PTPRK: variants seen among roughly 807,000 people sequenced by gnomAD.
The protein encoded by PTPRK is receptor-type tyrosine-protein phosphatase kappa.
A neutral mutation model predicts 178.0 loss-of-function variants in PTPRK; 75 were observed. The ratio of observed to expected loss-of-function variants is 0.42; its 90% CI spans 0.35 to 0.51. The LOEUF is 0.51. Among genes scored for constraint, PTPRK ranks in the 20% least tolerant of loss-of-function variants. PTPRK has a pLI of 0.02. For missense variants in PTPRK, 1,441 were observed against 1,797.8 expected (o/e 0.80, Z 3.59); for synonymous variants, 637 against 620.6 (o/e 1.03, Z -0.39).
intron 7 of PTPRK, among the ~76,000 whole-genome samples, chr6:128,158,834 T>C (rs1238869655): frequency 1.3e-5 from 2 of 151,928 alleles, no homozygotes; most frequent in Non-Finnish European, 1.5e-5. Flanking sequence ...TTCATTTGAA[T>C]AGGAAGCTTG....
intron 1 of PTPRK, among the ~76,000 whole-genome samples, chr6:128,502,770 T>C (rs1562653437): frequency 6.6e-6 from 1 of 152,232 alleles, no homozygotes; most frequent in Non-Finnish European, 1.5e-5. Context: ...CTATTAATTA[T>C]ATTTGCAGGA....
intron 7 of PTPRK, among the ~76,000 whole-genome samples, chr6:128,112,125 A>G (rs1341796436): frequency 3.9e-5 from 6 of 152,118 alleles, no homozygotes; most frequent in Admixed American, 3.9e-4. Flanking sequence ...GGCTAGTTAC[A>G]GATTTGCTCA....
intron 11 of PTPRK, among the ~76,000 whole-genome samples, chr6:128,077,208 T>C (rs1783986670): frequency 1.3e-5 from 2 of 152,026 alleles, no homozygotes; most frequent in African/African-American, 4.8e-5. Flanking sequence ...ATGACCCTGA[T>C]TACTTGTCAA....
chr6:128,061,333 A>C (rs1016203428), intron 13 of PTPRK, among the ~76,000 whole-genome samples: 5 of 152,190 alleles, frequency 3.3e-5, no homozygotes, highest in Admixed American at 3.3e-4. Context: ...AAAATGAGAA[A>C]AAAAGCAACA....
At chr6:128,056,842 C>T (rs1779992736) in intron 13 of PTPRK, among the ~76,000 whole-genome samples, 2 of 152,114 alleles carry the variant, frequency 1.3e-5, no homozygotes, top group African/African-American at 4.8e-5. Context: ...AATGGATAAA[C>T]ATAATTTTTA....
At chr6:128,463,926 A>AT (rs1030313946) in intron 1 of PTPRK, among the ~76,000 whole-genome samples, 39 of 148,030 alleles carry the variant, frequency 2.6e-4, no homozygotes, top group African/African-American at 6.0e-4. Context: ...TAATTTTTGT[A>AT]TTTTTTTTTA....
intron 1 of PTPRK, chr6:128,409,254 A>G (rs1842029087): frequency 2.3e-6 from 1 of 443,034 alleles, no homozygotes. Context: ...CATGGCTATA[A>G]CTTCCTATTA....
intron 1 of PTPRK, among the ~76,000 whole-genome samples, chr6:128,477,181 T>C (rs1371594112): frequency 1.3e-5 from 2 of 152,038 alleles, no homozygotes; most frequent in African/African-American, 4.8e-5. Flanking sequence ...AGCTAACAAA[T>C]TCTATTAAAG....
chr6:128,102,513 T>A (rs1205214333), intron 7 of PTPRK, among the ~76,000 whole-genome samples: 1 of 152,192 alleles, frequency 6.6e-6, no homozygotes, highest in Non-Finnish European at 1.5e-5. Flanking sequence ...TGAGGGGGTA[T>A]GAAGGACCTT....
intron 1 of PTPRK, among the ~76,000 whole-genome samples, chr6:128,450,413 T>C (rs1238623201): frequency 1.3e-5 from 2 of 152,232 alleles, no homozygotes; most frequent in African/African-American, 2.4e-5. Context: ...TTCTAATGCA[T>C]GGAAGAAATT....
rs537139562 is a variant in PTPRK at position 128,047,608 on chromosome 6, C to T, written c.2194+17150G>A. 3.9e-5 allele frequency among the ~76,000 whole-genome samples: 6 copies of T among 152,198 alleles called. No individual in the cohort carries two copies. The South Asian group carries it at 1.0e-3, about 26-fold the overall frequency. On this transcript the variant is annotated intron_variant, in intron 13 of 29. Coordinates refer to ENST00000368226, the MANE Select transcript of PTPRK (RefSeq NM_002844.4). ...AGTGTTTTCTGGTATTTTAGACTGACACCAAGAAAGAGATTCACTATTTTA... is the reference window on the plus strand; with the variant it reads ...AGTGTTTTCTGGTATTTTAGACTGATACCAAGAAAGAGATTCACTATTTTA...
chr6:128,047,839 CT>C (rs1028743973), intron 13 of PTPRK, among the ~76,000 whole-genome samples: 56 of 147,606 alleles, frequency 3.8e-4, no homozygotes, highest in South Asian at 1.9e-3. Flanking sequence ...TCCATAATGA[CT>C]TTTTTTTTTT....
intron 2 of PTPRK, among the ~76,000 whole-genome samples, chr6:128,352,715 C>T (rs1833361203): frequency 6.6e-6 from 1 of 152,156 alleles, no homozygotes; most frequent in Non-Finnish European, 1.5e-5. Flanking sequence ...ACTGAGACAT[C>T]AAATTCTCAA....
At chr6:128,487,320 G>T (rs1312371907) in intron 1 of PTPRK, among the ~76,000 whole-genome samples, 1 of 151,016 alleles carries the variant, frequency 6.6e-6, no homozygotes, top group Non-Finnish European at 1.5e-5. Context: ...TTCAGAAAAT[G>T]ACACAGAAGT....
intron 2 of PTPRK, among the ~76,000 whole-genome samples, chr6:128,374,875 C>T (rs1836801767): frequency 6.6e-6 from 1 of 151,912 alleles, no homozygotes; most frequent in South Asian, 2.1e-4. Flanking sequence ...CAATGCCTTC[C>T]ACTCTTTTCT....
intron 3 of PTPRK, among the ~76,000 whole-genome samples, chr6:128,242,919 T>A (rs1477453641): frequency 6.6e-6 from 1 of 152,226 alleles, no homozygotes; most frequent in African/African-American, 2.4e-5. Flanking sequence ...AACTTTCGCA[T>A]ATTGATTTTT....
intron 13 of PTPRK, among the ~76,000 whole-genome samples, chr6:128,024,329 A>G (rs1773960807): frequency 6.6e-6 from 1 of 152,212 alleles, no homozygotes. Flanking sequence ...GATGTTCTCA[A>G]TATAAGATTA....
intron 7 of PTPRK, among the ~76,000 whole-genome samples, chr6:128,165,473 C>T (rs1799266576): frequency 6.6e-6 from 1 of 151,074 alleles, no homozygotes; most frequent in Admixed American, 6.6e-5. Flanking sequence ...GAAGGAAAAT[C>T]ATTCTATCCT....
intron 13 of PTPRK, among the ~76,000 whole-genome samples, chr6:128,024,089 C>T (rs1380251003): frequency 6.6e-6 from 1 of 152,186 alleles, no homozygotes; most frequent in Non-Finnish European, 1.5e-5. Context: ...CATACCCGCA[C>T]AATTCAAAGC....
Sources: allele counts gnomAD v4.1 joint callset (sites outside exome capture counted in the v4.1 genomes callset), GRCh38; gene constraint gnomAD v4.1.1; transcripts MANE v1.5; gene names NCBI Gene and HGNC (gene_info 2026-07-23, HGNC 2026-07-21).